Variants in ANK2 observed in about 807,000 individuals in gnomAD.
ANK2 encodes the protein ankyrin-2.
In ANK2, 83 loss-of-function variants were observed where a neutral mutation model predicts 360.5. The observed-to-expected ratio is 0.23, with a 90% CI of 0.19 to 0.28. ANK2 has a LOEUF of 0.28. ANK2 is among the 10% of genes least tolerant of loss of function. The probability of loss-of-function intolerance (pLI) is 1.00; values close to 1 mark genes in which losing one functional copy is unlikely to be tolerated. For synonymous variants in ANK2, 1,740 were observed against 1,759.5 expected (o/e 0.99, Z 0.28); for missense variants, 4,201 against 4,795.7 (o/e 0.88, Z 3.66).
chr4:112,879,308 T>C (rs1036394138), intron 1 of ANK2, among the ~76,000 whole-genome samples: 41 of 152,196 alleles, frequency 2.7e-4, no homozygotes, highest in Non-Finnish European at 5.9e-4. Context: ...GCTTCTATCC[T>C]GTTCTCTTGG....
chr4:112,773,059 C>T, the ANK2 span, among the ~76,000 whole-genome samples: 6 of 151,884 alleles, frequency 4.0e-5, no homozygotes, highest in Non-Finnish European at 5.9e-5. Flanking sequence ...GGCTCATACC[C>T]GAAATCCCAA....
At chr4:113,237,309 G>T (rs1563085364) in intron 6 of ANK2, 137 bp downstream of exon 6, 1 of 1,139,770 alleles carries the variant, frequency 8.8e-7, no homozygotes, top group Non-Finnish European at 1.3e-6. Context: ...ACTTTCAGAG[G>T]TATTTCAGAA....
At chr4:113,250,755 G>GCC (rs10659682) in intron 10 of ANK2, among the ~76,000 whole-genome samples, 23,633 of 58,646 alleles carry the variant, frequency 0.4, 7,302 homozygotes, top group Non-Finnish European at 0.5. Flanking sequence ...TCATACCACC[G>GCC]CCCCCCCCCC....
intron 2 of ANK2, among the ~76,000 whole-genome samples, chr4:113,023,946 C>T (rs1274304742): frequency 6.6e-6 from 1 of 152,174 alleles, no homozygotes; most frequent in Non-Finnish European, 1.5e-5. Flanking sequence ...GACCCCTCTA[C>T]ACTACAAGAA....
At chr4:112,759,249 C>A in the ANK2 span, among the ~76,000 whole-genome samples, 1 of 152,040 alleles carries the variant, frequency 6.6e-6, no homozygotes, top group Non-Finnish European at 1.5e-5. Flanking sequence ...GATTCTTCTG[C>A]CTCAGCCTCC....
At chr4:113,281,386 A>T (rs1161593636) in intron 17 of ANK2, among the ~76,000 whole-genome samples, 1 of 152,018 alleles carries the variant, frequency 6.6e-6, no homozygotes, top group Non-Finnish European at 1.5e-5. Context: ...AAAAATACAA[A>T]AAAATTAGCC....
chr4:113,342,426 T>C (rs992988656), intron 33 of ANK2, among the ~76,000 whole-genome samples: 4 of 152,124 alleles, frequency 2.6e-5, no homozygotes, highest in Admixed American at 2.6e-4. Context: ...GCAGGCCAGG[T>C]GTGGTGGTTC....
chr4:113,072,134 G>A (rs1162844803), intron 1 of ANK2, among the ~76,000 whole-genome samples: 1 of 152,174 alleles, frequency 6.6e-6, no homozygotes, highest in African/African-American at 2.4e-5. Context: ...AACCATATCA[G>A]TAGGCATCTA....
rs181770297 is a variant in ANK2, at chr4:113,266,038, A to G, written c.1485+1043A>G. ...TTTGTTACATAGGTATATATGTGCC[A>G]TGGTGGTTTGCTGTACCCATCAACC... On this transcript the variant is annotated intron_variant, in intron 14 of 45. Coordinates refer to ENST00000357077, the MANE Select transcript of ANK2 (RefSeq NM_001148.6). Among the ~76,000 whole-genome samples the G allele has an allele frequency of 3.2e-4, 49 of 152,276 alleles. 2 individuals carry two copies. In the East Asian group the frequency reaches 9.1e-3, roughly 28 times the overall value.
intron 2 of ANK2, among the ~76,000 whole-genome samples, chr4:113,010,291 C>T (rs559631715): frequency 1.9e-3 from 285 of 152,084 alleles, no homozygotes; most frequent in African/African-American, 6.4e-3. Context: ...ATATATTTCC[C>T]TCAAAGAACA....
chr4:113,170,707 G>T (rs2097913163), intron 1 of ANK2, among the ~76,000 whole-genome samples: 1 of 152,120 alleles, frequency 6.6e-6, no homozygotes, highest in Admixed American at 6.6e-5. Context: ...ATTCCTCCCT[G>T]CCTTTCATGT....
At chr4:113,121,248 C>G (rs1390228681) in intron 1 of ANK2, among the ~76,000 whole-genome samples, 1 of 152,138 alleles carries the variant, frequency 6.6e-6, no homozygotes, top group Non-Finnish European at 1.5e-5. Context: ...CTTAATCACA[C>G]ACAAGTAGCA....
chr4:113,193,358 G>T (rs1473931257), intron 2 of ANK2, among the ~76,000 whole-genome samples: 1 of 152,130 alleles, frequency 6.6e-6, no homozygotes, highest in Non-Finnish European at 1.5e-5. Context: ...GACAAAGATG[G>T]CGCATTGTGT....
chr4:113,067,403 C>G (rs1480499127), intron 1 of ANK2, among the ~76,000 whole-genome samples: 1 of 151,966 alleles, frequency 6.6e-6, no homozygotes, highest in Non-Finnish European at 1.5e-5. Context: ...TAGCAACTGA[C>G]CTAGCTAATG....
chr4:113,064,222 T>C (rs931203916), intron 1 of ANK2, among the ~76,000 whole-genome samples: 6 of 152,160 alleles, frequency 3.9e-5, no homozygotes, highest in Admixed American at 6.6e-5. Context: ...TGAAGCCCTT[T>C]AGAATATAAC....
chr4:112,741,546 C>T, the ANK2 span, among the ~76,000 whole-genome samples: 1 of 152,180 alleles, frequency 6.6e-6, no homozygotes, highest in Non-Finnish European at 1.5e-5. Context: ...TGCTTTTATG[C>T]CTCTGTCCAT....
chr4:112,945,671 A>G (rs1487769829), intron 2 of ANK2, among the ~76,000 whole-genome samples: 4 of 152,246 alleles, frequency 2.6e-5, no homozygotes, highest in Admixed American at 6.5e-5. Context: ...TGACAGACAC[A>G]GGACACCACC....
chr4:112,881,707 G>GC, intron 1 of ANK2: 1 of 515,128 alleles, frequency 1.9e-6, no homozygotes, highest in Non-Finnish European at 3.5e-6. Flanking sequence ...CGAGTTTTTT[G>GC]CCCATACACA....
intron 1 of ANK2, among the ~76,000 whole-genome samples, chr4:113,075,545 A>G (rs2079565974): frequency 6.6e-6 from 1 of 152,176 alleles, no homozygotes; most frequent in Admixed American, 6.5e-5. Flanking sequence ...TTTCGGTGGC[A>G]TGTGGCAGAT....
Sources: gnomAD v4.1 joint callset for allele counts (sites outside exome capture counted in the v4.1 genomes callset) on GRCh38, gnomAD v4.1.1 for gene constraint, MANE v1.5 for transcripts, NCBI Gene and HGNC (gene_info 2026-07-23, HGNC 2026-07-21) for gene names.